PKHD1: variants seen among roughly 807,000 people sequenced by gnomAD.
PKHD1 encodes the protein fibrocystin.
A neutral mutation model predicts 412.0 loss-of-function variants in PKHD1; 291 were observed. The ratio of observed to expected loss-of-function variants is 0.71; its 90% CI spans 0.64 to 0.78. The LOEUF (loss-of-function observed/expected upper bound fraction) is 0.78. Ranked by LOEUF, PKHD1 falls within the 30% of genes least tolerant of loss-of-function variation. The pLI, the probability that PKHD1 is intolerant of heterozygous loss-of-function variation, is 0.00. For synonymous variants in PKHD1, 1,777 were observed against 1,821.5 expected (o/e 0.98, Z 0.62); for missense variants, 4,825 against 4,950.7 (o/e 0.97, Z 0.76).
At chr6:52,001,046 T>C (rs938760273) in intron 35 of PKHD1, among the ~76,000 whole-genome samples, 3 of 152,304 alleles carry the variant, frequency 2.0e-5, no homozygotes, top group Admixed American at 2.0e-4. Flanking sequence ...TGTACCTAAA[T>C]CATTTTTATA....
At chr6:51,823,150 A>C (rs1766733396) in intron 52 of PKHD1, among the ~76,000 whole-genome samples, 2 of 152,070 alleles carry the variant, frequency 1.3e-5, no homozygotes, top group Non-Finnish European at 2.9e-5. Context: ...TAGGTGTTTT[A>C]CAGGAATACC....
At chr6:51,697,890 C>CATTAAGAAGT (rs1208869903) in intron 60 of PKHD1, among the ~76,000 whole-genome samples, 3 of 152,180 alleles carry the variant, frequency 2.0e-5, no homozygotes, top group Non-Finnish European at 4.4e-5. Flanking sequence ...TTTAAATCCT[C>CATTAAGAAGT]ATTAAGAAGT....
In PKHD1 at chr6:52,084,997, T is replaced by A; in HGVS notation, c.-64A>T. On this transcript the variant is annotated 5_prime_UTR_variant, in exon 2 of 67. Coordinates refer to ENST00000371117, the MANE Select transcript of PKHD1 (RefSeq NM_138694.4). ...CATTAAAAGCATTTTCAGTTTTGAT[T>A]GGAGCAGCATAGCTTTTGTGCTTTA... 9.4e-7 allele frequency: 1 copy of A among 1,058,986 alleles called. No homozygotes were observed. Among genetic ancestry groups the A allele is most frequent in the Non-Finnish European group, 1.5e-6 (1 of 672,934 alleles). The allele number at this position is 1,058,986 out of a possible 1,614,324, so 65.6% of individuals were successfully genotyped here. A position where few individuals can be genotyped will look rare whatever the true frequency, so the allele number is the denominator to read the frequency against.
At chr6:52,028,986 A>G (rs545442615) in intron 29 of PKHD1, among the ~76,000 whole-genome samples, 1 of 152,200 alleles carries the variant, frequency 6.6e-6, no homozygotes, top group East Asian at 1.9e-4. Context: ...TGGTTGCTTA[A>G]CCTCCACTTT....
At chr6:51,649,277 T>C (rs375648412) in intron 61 of PKHD1, 57 bp from the exon 62 acceptor site, 17 of 1,365,096 alleles carry the variant, frequency 1.2e-5, no homozygotes, top group East Asian at 2.3e-5. Context: ...ATCCCTATGG[T>C]AGCAATTTTC....
intron 24 of PKHD1, among the ~76,000 whole-genome samples, chr6:52,045,675 C>T (rs1374995775): frequency 2.6e-5 from 4 of 152,210 alleles, no homozygotes; most frequent in Non-Finnish European, 5.9e-5. Context: ...ATGCCATCTG[C>T]TTCCACAATC....
intron 35 of PKHD1, among the ~76,000 whole-genome samples, chr6:51,978,743 C>T (rs1269975807): frequency 2.6e-5 from 4 of 152,184 alleles, no homozygotes; most frequent in Admixed American, 2.0e-4. Context: ...CCCAGGCATA[C>T]GTCCTCTTCT....
At chr6:51,854,004 C>A (rs1772812141) in intron 49 of PKHD1, among the ~76,000 whole-genome samples, 1 of 152,096 alleles carries the variant, frequency 6.6e-6, no homozygotes. Context: ...GGCACTCTGG[C>A]CTTTTTGGTT....
chr6:51,830,768 C>T (rs1013179638), intron 52 of PKHD1, 93 bp downstream of exon 52: 2 of 1,271,382 alleles, frequency 1.6e-6, no homozygotes, highest in Non-Finnish European at 2.3e-6. Flanking sequence ...TATTTCCAAA[C>T]TCTTTACTGT....
intron 36 of PKHD1, among the ~76,000 whole-genome samples, chr6:51,953,504 T>C (rs1370623486): frequency 6.6e-6 from 1 of 151,936 alleles, no homozygotes; most frequent in African/African-American, 2.4e-5. Flanking sequence ...GATAACTGCA[T>C]TGGAAAGCAT....
At chr6:51,982,960 G>C (rs1350242712) in intron 35 of PKHD1, among the ~76,000 whole-genome samples, 1 of 141,578 alleles carries the variant, frequency 7.1e-6, no homozygotes, top group Non-Finnish European at 1.5e-5. Context: ...CCTCCCTGAG[G>C]CTCCCACAAC....
At chr6:51,764,941 T>C (rs986976535) in intron 55 of PKHD1, among the ~76,000 whole-genome samples, 2 of 152,068 alleles carry the variant, frequency 1.3e-5, no homozygotes, top group Non-Finnish European at 2.9e-5. Flanking sequence ...ATCTCTCTTC[T>C]ACCCATGTCT....
intron 57 of PKHD1, among the ~76,000 whole-genome samples, 167 bp downstream of exon 57, chr6:51,753,034 T>C (rs969906626): frequency 6.6e-6 from 1 of 152,232 alleles, no homozygotes; most frequent in Non-Finnish European, 1.5e-5. Flanking sequence ...ACACTGATAA[T>C]TAAGCACAGA....
intron 55 of PKHD1, among the ~76,000 whole-genome samples, chr6:51,766,044 A>G (rs1788937931): frequency 1.3e-5 from 2 of 152,080 alleles, no homozygotes; most frequent in South Asian, 4.1e-4. Context: ...CCGCCCCTTC[A>G]CAGAATTTAT....
chr6:52,073,859 C>T (rs1435555080), intron 6 of PKHD1, among the ~76,000 whole-genome samples: 1 of 152,150 alleles, frequency 6.6e-6, no homozygotes, highest in African/African-American at 2.4e-5. Flanking sequence ...AGGGGCTCAT[C>T]TCCACACACT....
chr6:51,788,426 C>T (rs1414215701), intron 53 of PKHD1, among the ~76,000 whole-genome samples: 1 of 125,282 alleles, frequency 8.0e-6, no homozygotes, highest in East Asian at 3.9e-4. Context: ...AAGGAGTTCT[C>T]CTTTATTCTG....
intron 63 of PKHD1, among the ~76,000 whole-genome samples, chr6:51,647,696 C>T (rs1770290194): frequency 6.6e-6 from 1 of 152,108 alleles, no homozygotes; most frequent in South Asian, 2.1e-4. Context: ...GTCGTGGGGG[C>T]ACTGAGTGGA....
intron 60 of PKHD1, among the ~76,000 whole-genome samples, chr6:51,706,715 A>T (rs1487078310): frequency 6.6e-6 from 1 of 152,124 alleles, no homozygotes; most frequent in Non-Finnish European, 1.5e-5. Context: ...TTGTAATGAA[A>T]TGTCTAGAAA....
Position 51,618,243 on chromosome 6 carries a change from A to G in PKHD1, c.*838T>C, listed in dbSNP as rs1766224926. 6.6e-6 allele frequency: 1 copy of G among 152,196 alleles called. No individual in the cohort carries two copies. The highest frequency in any genetic ancestry group is 2.4e-5 in the African/African-American group (1 of 41,418). 9.4% of individuals were successfully genotyped at this position (152,196 alleles called of 1,614,324 possible). ...ATCTTCTCCAAAAAGCAGCTTTTTG[A>G]TAAAGGACTTGGCCACTTGGCTTTC... is the stretch of plus-strand genomic sequence containing the variant. On this transcript the variant is annotated 3_prime_UTR_variant, in exon 67 of 67. Transcript: ENST00000371117.
Sources: allele counts gnomAD v4.1 joint callset (sites outside exome capture counted in the v4.1 genomes callset), GRCh38; gene constraint gnomAD v4.1.1; transcripts MANE v1.5; gene names NCBI Gene and HGNC (gene_info 2026-07-23, HGNC 2026-07-21).